DLG2: variants seen among roughly 807,000 people sequenced by gnomAD.
DLG2 encodes disks large homolog 2.
Under a neutral mutation model 132.5 loss-of-function variants are expected in DLG2, and 45 were observed. The observed-to-expected ratio is 0.34, with a 90% CI of 0.27 to 0.44. DLG2 has a LOEUF of 0.44. DLG2 is among the 20% of genes least tolerant of loss of function. The probability of loss-of-function intolerance (pLI) is 1.00; values close to 1 mark genes in which losing one functional copy is unlikely to be tolerated. For synonymous variants in DLG2, 424 were observed against 419.6 expected (o/e 1.01, Z -0.13); for missense variants, 1,045 against 1,196.9 (o/e 0.87, Z 1.87).
chr11:85,051,198 G>A (rs748027248), intron 6 of DLG2, among the ~76,000 whole-genome samples: 4 of 152,118 alleles, frequency 2.6e-5, no homozygotes, highest in Non-Finnish European at 4.4e-5. Context: ...ACACAATGAT[G>A]TATAATCATC....
intron 14 of DLG2, among the ~76,000 whole-genome samples, chr11:83,946,004 T>TC: frequency 6.7e-6 from 1 of 149,076 alleles, no homozygotes; most frequent in Admixed American, 6.7e-5. Flanking sequence ...TTTTTTTTTT[T>TC]TTTTTGACAG....
At chr11:83,797,680 A>G (rs921062711) in intron 17 of DLG2, among the ~76,000 whole-genome samples, 2 of 151,646 alleles carry the variant, frequency 1.3e-5, no homozygotes, top group African/African-American at 2.4e-5. Flanking sequence ...CACCATGCCC[A>G]GCTAATTTTA....
intron 6 of DLG2, among the ~76,000 whole-genome samples, chr11:84,801,626 G>A (rs1222162388): frequency 1.3e-5 from 2 of 152,164 alleles, no homozygotes; most frequent in Non-Finnish European, 2.9e-5. Context: ...ATAATTGACC[G>A]TGATGGGAGC....
intron 6 of DLG2, among the ~76,000 whole-genome samples, chr11:84,636,963 G>A (rs566918200): frequency 2.3e-4 from 35 of 149,504 alleles, no homozygotes; most frequent in Middle Eastern, 6.9e-3. Context: ...TTTTTTTTCC[G>A]TTTTAGTAGA....
chr11:83,805,490 T>C (rs914253319), intron 17 of DLG2, among the ~76,000 whole-genome samples: 1 of 152,186 alleles, frequency 6.6e-6, no homozygotes, highest in Non-Finnish European at 1.5e-5. Flanking sequence ...ATTTGGTTTT[T>C]TGATATAGCA....
At chr11:84,571,710 A>G (rs907250345) in intron 6 of DLG2, among the ~76,000 whole-genome samples, 1 of 152,124 alleles carries the variant, frequency 6.6e-6, no homozygotes, top group African/African-American at 2.4e-5. Flanking sequence ...AGTTATAGTT[A>G]ATAGTATAGA....
At chr11:84,699,086 C>T (rs963238619) in intron 6 of DLG2, among the ~76,000 whole-genome samples, 1 of 151,430 alleles carries the variant, frequency 6.6e-6, no homozygotes, top group African/African-American at 2.4e-5. Context: ...ATGTCTTTGC[C>T]CAGTATTCAA....
chr11:85,520,004 T>C (rs1483108441), intron 3 of DLG2, among the ~76,000 whole-genome samples: 1 of 152,076 alleles, frequency 6.6e-6, no homozygotes, highest in Non-Finnish European at 1.5e-5. Flanking sequence ...AGGTATGTCT[T>C]ATCAGCAGCA....
chr11:84,006,110 A>C (rs2094560373), intron 11 of DLG2, among the ~76,000 whole-genome samples: 2 of 152,036 alleles, frequency 1.3e-5, no homozygotes, highest in South Asian at 4.1e-4. Flanking sequence ...GATGAAGAGA[A>C]TGTGGTATCT....
chr11:84,642,724 T>C (rs777741808), intron 6 of DLG2, among the ~76,000 whole-genome samples: 1 of 152,180 alleles, frequency 6.6e-6, no homozygotes, highest in Non-Finnish European at 1.5e-5. Flanking sequence ...TTTTACCTCC[T>C]AGCTGGAATG....
At chr11:84,587,885 C>T (rs2099533430) in intron 6 of DLG2, among the ~76,000 whole-genome samples, 1 of 152,134 alleles carries the variant, frequency 6.6e-6, no homozygotes, top group African/African-American at 2.4e-5. Context: ...TTCTCAGGAG[C>T]CCCACTACTT....
intron 6 of DLG2, among the ~76,000 whole-genome samples, chr11:84,966,906 G>C (rs1388642158): frequency 2.0e-5 from 3 of 152,044 alleles, no homozygotes; most frequent in Non-Finnish European, 4.4e-5. Context: ...TTTAGTCTAA[G>C]AGACTGGAAA....
At chr11:83,940,473 T>C (rs183174652) in intron 14 of DLG2, among the ~76,000 whole-genome samples, 78 of 152,326 alleles carry the variant, frequency 5.1e-4, no homozygotes, top group Non-Finnish European at 8.5e-4. Flanking sequence ...CTAAGACATA[T>C]GCAATACTAT....
At chr11:84,741,759 T>A (rs966107157) in intron 6 of DLG2, among the ~76,000 whole-genome samples, 1 of 151,890 alleles carries the variant, frequency 6.6e-6, no homozygotes, top group Admixed American at 6.6e-5. Flanking sequence ...CACCAAAAAG[T>A]AAGGAAACAT....
intron 6 of DLG2, among the ~76,000 whole-genome samples, chr11:84,888,098 TAAAC>T (rs949082521): frequency 2.8e-4 from 43 of 152,256 alleles, no homozygotes; most frequent in African/African-American, 1.0e-3. Flanking sequence ...TGCAAATTGA[TAAAC>T]AAACAGAAAT....
At chr11:83,889,178 A>C (rs781473330) in intron 15 of DLG2, among the ~76,000 whole-genome samples, 3,561 of 152,152 alleles carry the variant, frequency 0.023, 57 homozygotes, top group Non-Finnish European at 0.036. Context: ...AAACCTACAA[A>C]ATGGGAGAAA....
At chr11:84,841,705 T>G (rs1018929069) in intron 6 of DLG2, among the ~76,000 whole-genome samples, 3 of 151,990 alleles carry the variant, frequency 2.0e-5, no homozygotes, top group African/African-American at 7.2e-5. Flanking sequence ...TTATGGTCTT[T>G]TCCAATGTGC....
At chr11:85,412,725 T>TCACACACACACACACACA (rs542505541) in intron 3 of DLG2, among the ~76,000 whole-genome samples, 16 of 92,264 alleles carry the variant, frequency 1.7e-4, no homozygotes, top group Admixed American at 3.6e-4. Flanking sequence ...GAGCAGTATT[T>TCACACACACACACACACA]CACACACACA....
chr11:84,214,894 A>C (rs1230818900), intron 8 of DLG2, among the ~76,000 whole-genome samples: 2 of 152,180 alleles, frequency 1.3e-5, no homozygotes, highest in Admixed American at 6.5e-5. Context: ...AAAAGGTATA[A>C]ATATATCCAT....
Sources: allele counts gnomAD v4.1 joint callset (sites outside exome capture counted in the v4.1 genomes callset), GRCh38; gene constraint gnomAD v4.1.1; transcripts MANE v1.5; gene names NCBI Gene and HGNC (gene_info 2026-07-23, HGNC 2026-07-21).